RPH3AL: variants seen among roughly 807,000 people sequenced by gnomAD.
RPH3AL encodes the protein rabphilin 3A like (without C2 domains).
Under a neutral mutation model 43.1 loss-of-function variants are expected in RPH3AL, and 38 were observed. That is an observed-to-expected ratio of 0.88 (90% CI 0.68 to 1.15). The LOEUF (loss-of-function observed/expected upper bound fraction) is 1.15, where lower values mean the gene tolerates loss of function less well. Ranked by LOEUF, RPH3AL falls within the 50% of genes most tolerant of loss-of-function variation. The pLI is 0.00. For synonymous variants in RPH3AL, 189 were observed against 176.3 expected (o/e 1.07, Z -0.57); for missense variants, 462 against 423.2 (o/e 1.09, Z -0.81).
rs1567612974 is a variant in RPH3AL, at chr17:283,757, C to G, written c.352-1903G>C. On this transcript the variant is annotated intron_variant, in intron 5 of 9. Coordinates refer to ENST00000331302, the MANE Select transcript of RPH3AL (RefSeq NM_006987.4). This position sits in a 1 kb window ranked among gnomAD's most constrained non-coding sequence, Gnocchi z 4.2. The stretch of plus-strand genomic sequence containing the variant: ...TTCAGCCCTTCCAAGGACCAGTAGC[C>G]TGTCTCCCTGGAACCCTAGGCCACC... Among the ~76,000 whole-genome samples, 1 of 152,202 alleles carries G rather than the reference C, an allele frequency of 6.6e-6. No homozygotes were observed. Among genetic ancestry groups the G allele is most frequent in the African/African-American group, 2.4e-5 (1 of 41,440 alleles).
intron 5 of RPH3AL, among the ~76,000 whole-genome samples, chr17:291,308 G>C (rs1489508698): frequency 1.3e-5 from 2 of 152,192 alleles, no homozygotes; most frequent in African/African-American, 4.8e-5. Flanking sequence ...GGGAGGCCGA[G>C]GTGGGGGGAT....
intron 7 of RPH3AL, among the ~76,000 whole-genome samples, chr17:240,589 GT>G (rs1286642305): frequency 6.6e-6 from 1 of 152,180 alleles, no homozygotes; most frequent in Non-Finnish European, 1.5e-5. Flanking sequence ...TTCGCATGGT[GT>G]TTTCAAGGCT....
chr17:264,752 T>C lies in RPH3AL; in HGVS notation c.438+17016A>G, dbSNP rs1267096651. On this transcript the variant is annotated intron_variant, in intron 6 of 9. Transcript: ENST00000331302. This position sits in a 1 kb window ranked among gnomAD's most constrained non-coding sequence, Gnocchi z 4.8. ...GTATCAGCAAAAATGGAACACAGAA[T>C]GCAGCCATTCTTCCCCAAACACCTG... Among the ~76,000 whole-genome samples the C allele has an allele frequency of 6.6e-6, 1 of 152,138 alleles. No individual in the cohort carries two copies. The highest frequency in any genetic ancestry group is 1.5e-5 in the Non-Finnish European group (1 of 68,026).
At chr17:214,486 T>C (rs527998644) in intron 9 of RPH3AL, among the ~76,000 whole-genome samples, 7 of 152,294 alleles carry the variant, frequency 4.6e-5, no homozygotes, top group African/African-American at 1.4e-4. Flanking sequence ...GCAATTTCAA[T>C]TGGGCGCAGT....
At chr17:334,532 C>A (rs957744236) in intron 1 of RPH3AL, among the ~76,000 whole-genome samples, 1 of 131,198 alleles carries the variant, frequency 7.6e-6, no homozygotes, top group Admixed American at 8.0e-5. Flanking sequence ...AACCACCCCA[C>A]CCAGTGCAGC....
At chr17:344,119 T>A (rs2045190795) in intron 1 of RPH3AL, among the ~76,000 whole-genome samples, 1 of 132,014 alleles carries the variant, frequency 7.6e-6, no homozygotes, top group Non-Finnish European at 1.7e-5. Flanking sequence ...CCTCCAGTCA[T>A]CATCACCATC....
At chr17:236,169 C>T (rs1161824992) in intron 7 of RPH3AL, among the ~76,000 whole-genome samples, 1 of 152,240 alleles carries the variant, frequency 6.6e-6, no homozygotes, top group Non-Finnish European at 1.5e-5. Flanking sequence ...AGTGCCAGCC[C>T]ACAGTGAGCT....
chr17:320,472 C>CAA (rs113193446), intron 4 of RPH3AL, among the ~76,000 whole-genome samples: 3 of 151,304 alleles, frequency 2.0e-5, no homozygotes, highest in African/African-American at 4.9e-5. Context: ...CCCATCTCTA[C>CAA]AAAAAAAATA....
intron 5 of RPH3AL, among the ~76,000 whole-genome samples, chr17:317,733 T>C (rs1232910539): frequency 6.6e-6 from 1 of 152,234 alleles, no homozygotes; most frequent in Non-Finnish European, 1.5e-5. Context: ...AGTCCTGGCT[T>C]TCCTGCTTAC....
Position 215,627 on chromosome 17 carries a change from G to T in RPH3AL, c.876+27C>A, listed in dbSNP as rs2040778527. 1.6e-6 allele frequency: 2 copies of T among 1,262,618 alleles called. No homozygotes were observed. The highest frequency in any genetic ancestry group is 1.5e-5 in the African/African-American group (1 of 64,538). The allele number at this position is 1,262,618 out of a possible 1,614,324, so 78.2% of individuals were successfully genotyped here. ...GGACACGGCCGCGGGGGCAGGAGAG[G>T]GGAGAAGGCAGCAGTTGGGTACTCA... is the stretch of plus-strand genomic sequence containing the variant. On this transcript the variant is annotated intron_variant, in intron 9 of 9. Coordinates refer to ENST00000331302, the MANE Select transcript of RPH3AL (RefSeq NM_006987.4). The surrounding 1 kb of genome is among the most constrained non-coding windows in gnomAD (Gnocchi z 4.1).
At chr17:269,614 TTCTC>T (rs996184703) in intron 6 of RPH3AL, among the ~76,000 whole-genome samples, 11 of 152,220 alleles carry the variant, frequency 7.2e-5, no homozygotes, top group African/African-American at 2.7e-4. Flanking sequence ...AAGTGACCTC[TTCTC>T]TCTAAGCTTC....
intron 2 of RPH3AL, chr17:331,583 A>G: frequency 7.8e-7 from 1 of 1,282,582 alleles, no homozygotes; most frequent in South Asian, 1.2e-5. Flanking sequence ...GGGCAACTCG[A>G]GGAGGCACAT....
At chr17:260,057 C>T (rs1305764227) in intron 6 of RPH3AL, among the ~76,000 whole-genome samples, 1 of 152,186 alleles carries the variant, frequency 6.6e-6, no homozygotes, top group East Asian at 1.9e-4. Flanking sequence ...GTCACTCCCT[C>T]TCCCGTGCCA....
At chr17:315,092 T>C (rs374219866) in intron 5 of RPH3AL, among the ~76,000 whole-genome samples, 7 of 136,774 alleles carry the variant, frequency 5.1e-5, no homozygotes, top group African/African-American at 8.1e-5. Flanking sequence ...CACTGAATTG[T>C]AGTCCCTGTG....
intron 1 of RPH3AL, among the ~76,000 whole-genome samples, chr17:351,605 C>T (rs1220887343): frequency 6.6e-6 from 1 of 152,132 alleles, no homozygotes; most frequent in Non-Finnish European, 1.5e-5. Flanking sequence ...CTCTGAATTC[C>T]TCCAGCATGC....
At chr17:334,441 G>A (rs1027864066) in intron 1 of RPH3AL, among the ~76,000 whole-genome samples, 1 of 151,698 alleles carries the variant, frequency 6.6e-6, no homozygotes, top group Non-Finnish European at 1.5e-5. Flanking sequence ...ACCCCAGCAA[G>A]TGCAGCTCCT....
intron 6 of RPH3AL, among the ~76,000 whole-genome samples, chr17:263,923 G>A (rs999731065): frequency 6.6e-6 from 1 of 152,146 alleles, no homozygotes; most frequent in Non-Finnish European, 1.5e-5. Flanking sequence ...GTTTTCAAGG[G>A]GGAACCAAAG....
intron 6 of RPH3AL, among the ~76,000 whole-genome samples, chr17:270,074 G>C (rs1051130295): frequency 6.6e-6 from 1 of 152,076 alleles, no homozygotes; most frequent in African/African-American, 2.4e-5. Context: ...CGTGGGAGGC[G>C]ACCAACACAC....
chr17:344,023 TATCATCACCCCCATCATCACC>T (rs1384690567), intron 1 of RPH3AL, among the ~76,000 whole-genome samples: 1 of 63,322 alleles, frequency 1.6e-5, no homozygotes, highest in African/African-American at 3.9e-5. Context: ...CCATCATCAC[TATCATCACCCCCATCATCACC>T]ATCATCATCG....
Sources: gnomAD v4.1 joint callset for allele counts (sites outside exome capture counted in the v4.1 genomes callset) on GRCh38, gnomAD v4.1.1 for gene constraint, Gnocchi (gnomAD v3.1) non-coding constraint, MANE v1.5 for transcripts, NCBI Gene and HGNC (gene_info 2026-07-23, HGNC 2026-07-21) for gene names.